C19orf38: variants seen among roughly 807,000 people sequenced by gnomAD.
C19orf38 encodes protein HIDE1.
A neutral mutation model predicts 26.6 loss-of-function variants in C19orf38; 14 were observed. The observed-to-expected ratio is 0.53, with a 90% CI of 0.35 to 0.82. The LOEUF is 0.82. Among genes scored for constraint, C19orf38 ranks in the 40% least tolerant of loss-of-function variants. C19orf38 has a pLI of 0.01. For missense variants in C19orf38, 261 were observed against 299.5 expected (o/e 0.87, Z 0.95); for synonymous variants, 132 against 128.5 (o/e 1.03, Z -0.18).
intron 1 of C19orf38, among the ~76,000 whole-genome samples, chr19:10,849,466 G>C (rs950604821): frequency 6.6e-6 from 1 of 152,174 alleles, no homozygotes; most frequent in Non-Finnish European, 1.5e-5. Flanking sequence ...GCCAAGGTGG[G>C]AGGATCACTT....
chr19:10,849,396 G>A (rs768739230), intron 1 of C19orf38, among the ~76,000 whole-genome samples: 2 of 152,090 alleles, frequency 1.3e-5, no homozygotes, highest in Non-Finnish European at 2.9e-5. Context: ...CTGTTGGAAT[G>A]CCCTTCCCCA....
At chr19:10,860,065 C>A in intron 5 of C19orf38, 107 bp downstream of exon 5, 1 of 1,205,458 alleles carries the variant, frequency 8.3e-7, no homozygotes, top group Non-Finnish European at 1.2e-6. Context: ...TGCTTGTTCC[C>A]TTTAGGGTCA....
intron 1 of C19orf38, chr19:10,842,264 CTTTTT>C: frequency 1.1e-6 from 1 of 881,290 alleles, no homozygotes; most frequent in Non-Finnish European, 1.8e-6. Context: ...GAATAAAATA[CTTTTT>C]TTTTTTTTTG....
At chr19:10,861,374 C>T (rs2073697051) in intron 5 of C19orf38, among the ~76,000 whole-genome samples, 1 of 152,192 alleles carries the variant, frequency 6.6e-6, no homozygotes, top group Admixed American at 6.5e-5. Context: ...GCACCCCAAG[C>T]AGAGAAATGT....
intron 1 of C19orf38, among the ~76,000 whole-genome samples, chr19:10,841,646 A>T (rs888128062): frequency 6.6e-6 from 1 of 151,618 alleles, no homozygotes; most frequent in African/African-American, 2.4e-5. Context: ...TTATTCACCA[A>T]ATATTTACTG....
intron 1 of C19orf38, among the ~76,000 whole-genome samples, chr19:10,837,641 G>C (rs2073446164): frequency 1.3e-5 from 2 of 150,682 alleles, no homozygotes; most frequent in African/African-American, 4.9e-5. Context: ...CCGAGTAGCT[G>C]AGACTACAGG....
chr19:10,857,361 TATA>T (rs2073638635), intron 3 of C19orf38, among the ~76,000 whole-genome samples: 3 of 91,182 alleles, frequency 3.3e-5, no homozygotes, highest in African/African-American at 2.1e-4. Flanking sequence ...TATATATATA[TATA>T]TATTTTTTTT....
At chr19:10,857,366 A>ATATATATATATTTTT (rs1433358051) in intron 3 of C19orf38, among the ~76,000 whole-genome samples, 9 of 56,078 alleles carry the variant, frequency 1.6e-4, no homozygotes, top group African/African-American at 1.0e-3. Context: ...ATATATATAT[A>ATATATATATATTTTT]TTTTTTTTTT....
chr19:10,849,926 A>G (rs987173789), intron 1 of C19orf38, among the ~76,000 whole-genome samples: 7 of 151,968 alleles, frequency 4.6e-5, no homozygotes, highest in African/African-American at 1.4e-4. Flanking sequence ...TTGGCCAGGC[A>G]TAGTGCCACA....
At chr19:10,858,236 A>AC in intron 3 of C19orf38, 80 bp from the exon 4 acceptor site, 15 of 1,162,364 alleles carry the variant, frequency 1.3e-5, no homozygotes, top group Non-Finnish European at 1.1e-5. Flanking sequence ...TAAAAAAAAA[A>AC]AAAAAAAAAA....
chr19:10,853,217 C>G (rs539249706), intron 2 of C19orf38, among the ~76,000 whole-genome samples: 2 of 151,920 alleles, frequency 1.3e-5, no homozygotes, highest in Non-Finnish European at 2.9e-5. Flanking sequence ...CGTGCACCAC[C>G]ACGCCTGGCT....
chr19:10,849,296 C>G (rs1684131623), intron 1 of C19orf38, among the ~76,000 whole-genome samples: 1 of 152,160 alleles, frequency 6.6e-6, no homozygotes, highest in Admixed American at 6.5e-5. Context: ...GCTGGGATTA[C>G]AGGCGTGAGC....
chr19:10,858,481 T>C, intron 4 of C19orf38, 138 bp downstream of exon 4: 1 of 796,914 alleles, frequency 1.3e-6, no homozygotes, highest in Non-Finnish European at 2.0e-6. Flanking sequence ...GAGCCATTTA[T>C]TAAGTGCCTC....
intron 6 of C19orf38, among the ~76,000 whole-genome samples, chr19:10,866,245 G>T (rs2073750078): frequency 1.3e-5 from 2 of 149,712 alleles, no homozygotes; most frequent in East Asian, 4.0e-4. Flanking sequence ...TCTGTCACCA[G>T]GCTGGAGTGC....
chr19:10,845,541 AAC>A (rs1163039916), upstream of C19orf38, among the ~76,000 whole-genome samples: 1 of 152,192 alleles, frequency 6.6e-6, no homozygotes, highest in Non-Finnish European at 1.5e-5. Flanking sequence ...ATGCAGTTAA[AAC>A]AGTTCTTGGA....
intron 6 of C19orf38, among the ~76,000 whole-genome samples, chr19:10,865,653 A>G (rs1334258066): frequency 1.3e-5 from 2 of 152,144 alleles, no homozygotes; most frequent in African/African-American, 2.4e-5. Context: ...AAATTTCCGT[A>G]TGAAAAGCAT....
intron 1 of C19orf38, among the ~76,000 whole-genome samples, chr19:10,839,935 C>T (rs996226824): frequency 1.7e-4 from 26 of 152,102 alleles, no homozygotes; most frequent in African/African-American, 6.3e-4. Flanking sequence ...GTTACCCAGA[C>T]TGGTCTTTAA....
chr19:10,842,736 CA>C (rs112634489), intron 1 of C19orf38, among the ~76,000 whole-genome samples: 175 of 144,134 alleles, frequency 1.2e-3, no homozygotes, highest in African/African-American at 3.5e-3. Flanking sequence ...GACCCTGTCT[CA>C]AAAAAAAAAA....
At chr19:10,868,889 A>C (rs2073776967) in intron 6 of C19orf38, among the ~76,000 whole-genome samples, 1 of 152,232 alleles carries the variant, frequency 6.6e-6, no homozygotes, top group Non-Finnish European at 1.5e-5. Context: ...TACTCTTTTA[A>C]GCCTCATAGC....
Sources: allele counts gnomAD v4.1 joint callset (sites outside exome capture counted in the v4.1 genomes callset), GRCh38; gene constraint gnomAD v4.1.1; transcripts MANE v1.5; gene names NCBI Gene and HGNC (gene_info 2026-07-23, HGNC 2026-07-21).